SOS2: variants seen among roughly 807,000 people sequenced by gnomAD.
SOS2 encodes son of sevenless homolog 2.
Under a neutral mutation model 148.2 loss-of-function variants are expected in SOS2, and 65 were observed. The observed-to-expected ratio is 0.44, with a 90% CI of 0.36 to 0.54. The LOEUF is 0.54. Ranked by LOEUF, SOS2 falls within the 20% of genes least tolerant of loss-of-function variation. The pLI, the probability that SOS2 is intolerant of heterozygous loss-of-function variation, is 0.00. For missense variants in SOS2, 1,341 were observed against 1,590.2 expected (o/e 0.84, Z 2.67); for synonymous variants, 539 against 537.1 (o/e 1.00, Z -0.05).
At chr14:50,177,692 ATT>A (rs1425916713) in intron 7 of SOS2, among the ~76,000 whole-genome samples, 1 of 152,182 alleles carries the variant, frequency 6.6e-6, no homozygotes, top group Admixed American at 6.6e-5. Context: ...TCTTGAAGTA[ATT>A]TTGAGAATTA....
At chr14:50,231,119 G>T in intron 1 of SOS2, 78 bp downstream of exon 1, 1 of 892,448 alleles carries the variant, frequency 1.1e-6, no homozygotes, top group Non-Finnish European at 1.5e-6. Flanking sequence ...CGAGCCCTGT[G>T]GGAGGGACGA....
intron 1 of SOS2, among the ~76,000 whole-genome samples, chr14:50,208,254 G>A (rs373911323): frequency 1.3e-5 from 2 of 151,960 alleles, no homozygotes; most frequent in East Asian, 1.9e-4. Flanking sequence ...CCGAGATAAC[G>A]TGCTGTTGCA....
At chr14:50,189,734 T>C (rs112709619) in intron 4 of SOS2, among the ~76,000 whole-genome samples, 5 of 152,306 alleles carry the variant, frequency 3.3e-5, no homozygotes, top group African/African-American at 1.2e-4. Flanking sequence ...GATGCTTAAA[T>C]TGTTGTAGCA....
chr14:50,212,551 A>G (rs889220652), intron 1 of SOS2, among the ~76,000 whole-genome samples: 2 of 152,248 alleles, frequency 1.3e-5, no homozygotes, highest in Admixed American at 1.3e-4. Context: ...AAGTGCTGAC[A>G]ATGTTCTGTC....
Position 50,120,269 on chromosome 14 carries a change from G to C in SOS2, c.3489+6C>G, listed in dbSNP as rs1883459449. 1 of 1,375,782 alleles carries C rather than the reference G, an allele frequency of 7.3e-7. No homozygotes were observed. The highest frequency in any genetic ancestry group is 1.0e-6 in the Non-Finnish European group (1 of 967,348). The allele number at this position is 1,375,782 out of a possible 1,614,324, so 85.2% of individuals were successfully genotyped here. On this transcript the variant is annotated splice_donor_region_variant and intron_variant, in intron 22 of 22. Coordinates refer to ENST00000216373, the MANE Select transcript of SOS2 (RefSeq NM_006939.4). ...GAATAAGTTGGAGTAAAGTCCTGTT[G>C]ATTACCTTGGAATTTGAAGCATCAT...
intron 1 of SOS2, among the ~76,000 whole-genome samples, chr14:50,211,960 T>G (rs1316041045): frequency 6.6e-6 from 1 of 152,112 alleles, no homozygotes. Context: ...TACAATGGAA[T>G]ACACACAGTC....
rs201701595 is a variant in SOS2, at chr14:50,182,454, T to C, written c.858+9A>G. The C allele has an allele frequency of 1.4e-3, 2,258 of 1,613,180 alleles. 5 individuals are homozygous for C. Among genetic ancestry groups the C allele is most frequent in the Middle Eastern group, 2.1e-3 (13 of 6,058 alleles). On this transcript the variant is annotated intron_variant, in intron 6 of 22. Coordinates refer to ENST00000216373, the MANE Select transcript of SOS2 (RefSeq NM_006939.4). ...TTTAATGAGAATATAAGTAGTTTTG[T>C]AAACTTACTTCTGCCAAATCTTCAA...
At chr14:50,124,293 C>G (rs1883618457) in intron 21 of SOS2, among the ~76,000 whole-genome samples, 1 of 152,070 alleles carries the variant, frequency 6.6e-6, no homozygotes, top group Non-Finnish European at 1.5e-5. Context: ...GAGGAGGAAC[C>G]AGCAAGAGAG....
rs761540894 is a variant in SOS2 at position 50,159,942 on chromosome 14, T to C, written c.1341A>G (p.Pro447=). The C allele has an allele frequency of 2.5e-6, 4 of 1,614,204 alleles. No individual in the cohort carries two copies. In the South Asian group the frequency reaches 3.3e-5, roughly 13 times the overall value. Reference sequence around the variant, plus strand: ...CATGTTTGGCACCGATTCTTGTCAATGGTCCCTCCATAATGAATTCATTAC... The same window carrying C: ...CATGTTTGGCACCGATTCTTGTCAACGGTCCCTCCATAATGAATTCATTAC... ...QCCNEFIMEG[P]LTRIGAKHER... is the part of the protein sequence containing the mutation. The change falls in exon 10 of 23, where the codon CCA becomes CCG. Residue 447 remains proline, a synonymous_variant. Coordinates refer to ENST00000216373, the MANE Select transcript of SOS2 (RefSeq NM_006939.4).
intron 11 of SOS2, 91 bp from the exon 12 acceptor site, chr14:50,157,212 C>T: frequency 1.4e-6 from 2 of 1,432,692 alleles, no homozygotes; most frequent in Non-Finnish European, 9.4e-7. Flanking sequence ...CCTACCACTT[C>T]CACGAAAAGT....
intron 4 of SOS2, among the ~76,000 whole-genome samples, chr14:50,189,844 TTTTTTA>T (rs1321902067): frequency 5.3e-5 from 2 of 38,088 alleles, no homozygotes; most frequent in Non-Finnish European, 1.2e-4. Flanking sequence ...CTATACTTTA[TTTTTTA>T]TTTTTTTTTT....
chr14:50,204,457 T>C, intron 1 of SOS2, 48 bp from the exon 2 acceptor site: 1 of 1,161,382 alleles, frequency 8.6e-7, no homozygotes, highest in Non-Finnish European at 1.2e-6. Flanking sequence ...TAATATAAAT[T>C]GAACAAAAGT....
At chr14:50,143,804 T>C (rs1884373995) in intron 16 of SOS2, among the ~76,000 whole-genome samples, 1 of 149,218 alleles carries the variant, frequency 6.7e-6, no homozygotes, top group Non-Finnish European at 1.5e-5. Flanking sequence ...GCCAGAGGCA[T>C]GCAACACCAT....
intron 6 of SOS2, among the ~76,000 whole-genome samples, chr14:50,181,476 C>T (rs1421690377): frequency 2.0e-5 from 3 of 149,234 alleles, no homozygotes; most frequent in Non-Finnish European, 4.5e-5. Context: ...AATATCAAGG[C>T]ATAGTGCAAA....
At chr14:50,214,113 TAAC>T (rs10566966) in intron 1 of SOS2, among the ~76,000 whole-genome samples, 91,151 of 151,632 alleles carry the variant, frequency 0.6, 28,232 homozygotes, top group Non-Finnish European at 0.69. Context: ...CTATTTTTCA[TAAC>T]AAGCTTTGCA....
intron 4 of SOS2, among the ~76,000 whole-genome samples, chr14:50,196,467 T>TTATCGTTGACTG (rs1315512268): frequency 6.6e-6 from 1 of 152,102 alleles, no homozygotes; most frequent in Non-Finnish European, 1.5e-5. Context: ...ATACAACAAA[T>TTATCGTTGACTG]TATCGTTGAC....
chr14:50,206,532 A>C (rs74878949), intron 1 of SOS2, among the ~76,000 whole-genome samples: 2 of 152,242 alleles, frequency 1.3e-5, no homozygotes, highest in African/African-American at 2.4e-5. Context: ...TTAGGAAATA[A>C]TGACAAGAGA....
At position 50,178,744 on chromosome 14, in the gene SOS2, A is replaced by ATTTTT. The variant is rs774367057; in HGVS notation, c.969+1823_969+1827dup. On this transcript the variant is annotated intron_variant, in intron 7 of 22. Coordinates refer to ENST00000216373, the MANE Select transcript of SOS2 (RefSeq NM_006939.4). ...TATACACACACATATATATATATAT[A>ATTTTT]TTTTTTGGAGACAGGGTCTTGCTCT... 5.8e-3 allele frequency among the ~76,000 whole-genome samples: 812 copies of ATTTTT among 140,376 alleles called. 14 individuals are homozygous for ATTTTT. The highest frequency in any genetic ancestry group is 0.02 in the African/African-American group (764 of 37,500). The allele number at this position is 140,376 out of a possible 152,430, so 92.1% of individuals were successfully genotyped here. A position where few individuals can be genotyped will look rare whatever the true frequency, so the allele number is the denominator to read the frequency against.
At position 50,159,666 on chromosome 14, in the gene SOS2, A is replaced by T. The variant is rs1884932435; in HGVS notation, c.1617T>A (p.Leu539=). The T allele has an allele frequency of 7.4e-6, 12 of 1,614,110 alleles. No individual in the cohort carries two copies. The highest frequency in any genetic ancestry group is 1.0e-5 in the Non-Finnish European group (12 of 1,179,972). ...GAGTACTACGATAATGAAGAGAAATAAGGGCTGCCATCCAGTTGTTTTTTT... is the reference window on the plus strand; with the variant it reads ...GAGTACTACGATAATGAAGAGAAATTAGGGCTGCCATCCAGTTGTTTTTTT... ...AEEKNNWMAA[L]ISLHYRSTLD... is the part of the protein sequence containing the mutation. The change falls in exon 10 of 23, where the codon CTT becomes CTA. Residue 539 remains leucine (L), a synonymous_variant. Transcript: ENST00000216373.
Sources: allele counts gnomAD v4.1 joint callset (sites outside exome capture counted in the v4.1 genomes callset), GRCh38; gene constraint gnomAD v4.1.1; transcripts MANE v1.5; gene names NCBI Gene and HGNC (gene_info 2026-07-23, HGNC 2026-07-21).